The following TTC34 variants were observed in gnomAD, a reference collection of about 807,000 sequenced individuals.
The protein encoded by TTC34 is tetratricopeptide repeat domain 34, also known as tetratricopeptide repeat protein 34.
Under a neutral mutation model 40.7 loss-of-function variants are expected in TTC34, and 44 were observed. That is an observed-to-expected ratio of 1.08 (90% confidence interval 0.85 to 1.39). The LOEUF is 1.39. TTC34 is among the 40% of genes most tolerant of loss of function. The pLI is 0.00. For synonymous variants in TTC34, 422 were observed against 398.6 expected (o/e 1.06, Z -0.70); for missense variants, 884 against 838.0 (o/e 1.05, Z -0.68).
intron 6 of TTC34, among the ~76,000 whole-genome samples, chr1:2,778,100 T>G (rs1643360756): frequency 6.6e-6 from 1 of 152,190 alleles, no homozygotes; most frequent in Admixed American, 6.5e-5. Context: ...AGTGGGAAAC[T>G]TGGGGGAAAC....
intron 6 of TTC34, among the ~76,000 whole-genome samples, chr1:2,683,521 G>T (rs1640176579): frequency 2.0e-5 from 3 of 150,226 alleles, no homozygotes; most frequent in South Asian, 2.1e-4. Context: ...ACCACCAGGT[G>T]AGCATCTGAT....
At position 2,641,234 on chromosome 1, in the gene TTC34, C is replaced by T. The variant is rs1277674808; in HGVS notation, c.*134G>A. ...GTTGGGAAGGGGTGTGTGGGGAGGG[C>T]TGGGAAGGGGGTGTGGAGAGGGCAG... On this transcript the variant is annotated 3_prime_UTR_variant, in exon 9 of 9. Transcript: ENST00000401095. 4.6e-5 allele frequency: 41 copies of T among 892,702 alleles called. No homozygotes were observed. In the African/African-American group the frequency reaches 6.9e-4, roughly 15 times the overall value. The allele number at this position is 892,702 out of a possible 1,614,324, so 55.3% of individuals were successfully genotyped here.
chr1:2,695,098 G>GCAATA (rs1640801141), intron 6 of TTC34, among the ~76,000 whole-genome samples: 1 of 129,830 alleles, frequency 7.7e-6, no homozygotes. Context: ...CTGACAACCT[G>GCAATA]GAACAGCACC....
intron 8 of TTC34, among the ~76,000 whole-genome samples, chr1:2,642,883 A>C (rs1638936091): frequency 1.3e-5 from 2 of 152,200 alleles, no homozygotes; most frequent in Admixed American, 1.3e-4. Flanking sequence ...CGCAGGGCAC[A>C]GTGTGGCCTC....
At chr1:2,685,630 C>A (rs1640298739) in intron 6 of TTC34, among the ~76,000 whole-genome samples, 1 of 136,454 alleles carries the variant, frequency 7.3e-6, no homozygotes, top group Non-Finnish European at 1.6e-5. Flanking sequence ...CCTGGAGCAG[C>A]ACCCACACCC....
At chr1:2,683,499 A>T (rs1424218866) in intron 6 of TTC34, among the ~76,000 whole-genome samples, 1 of 43,448 alleles carries the variant, frequency 2.3e-5, no homozygotes, top group African/African-American at 8.9e-5. Flanking sequence ...GACAGCCTGG[A>T]ACGGCACCCA....
chr1:2,695,047 T>G (rs1277806842), intron 6 of TTC34, among the ~76,000 whole-genome samples: 1 of 146,886 alleles, frequency 6.8e-6, no homozygotes, highest in Non-Finnish European at 1.5e-5. Context: ...CAGGTGAGCA[T>G]CTGACACACT....
chr1:2,795,068 G>A (rs58130227), intron 2 of TTC34, among the ~76,000 whole-genome samples: 4,803 of 148,854 alleles, frequency 0.032, 105 homozygotes, highest in African/African-American at 0.066. Context: ...TGGGCAACGT[G>A]GTGAGACCCC....
intron 6 of TTC34, among the ~76,000 whole-genome samples, chr1:2,684,966 G>T (rs538254209): frequency 7.1e-6 from 1 of 140,452 alleles, no homozygotes; most frequent in Non-Finnish European, 1.5e-5. Context: ...ACCCCCAGAC[G>T]AGCATCTGAC....
intron 4 of TTC34, among the ~76,000 whole-genome samples, chr1:2,786,486 C>G (rs1391186265): frequency 6.6e-6 from 1 of 152,180 alleles, no homozygotes; most frequent in Non-Finnish European, 1.5e-5. Context: ...TGAGCCCGCT[C>G]TGGGCTGCAG....
intron 6 of TTC34, among the ~76,000 whole-genome samples, chr1:2,687,296 C>G (rs529981600): frequency 0.011 from 1,494 of 132,712 alleles, 175 homozygotes; most frequent in African/African-American, 0.048. Flanking sequence ...CACAGGTGAG[C>G]ATCTGACATC....
intron 6 of TTC34, among the ~76,000 whole-genome samples, chr1:2,684,949 C>G (rs1570809230): frequency 2.2e-5 from 3 of 137,456 alleles, no homozygotes; most frequent in Admixed American, 1.5e-4. Flanking sequence ...CCTGGAGCAC[C>G]ACCCACACCC....
rs188794158 is a variant in TTC34 at position 2,641,654 on chromosome 1, C to A, written c.2954G>T (p.Arg985Leu). 60 of 1,535,322 alleles carry A rather than the reference C, an allele frequency of 3.9e-5. No individual in the cohort carries two copies. In the African/African-American group the frequency reaches 7.5e-4, roughly 19 times the overall value. The change falls in exon 9 of 9, where the codon CGC becomes CTC. Residue 985 changes from arginine to leucine, a missense_variant. Coordinates refer to ENST00000401095, the Ensembl canonical transcript of TTC34. The stretch of plus-strand genomic sequence containing the variant: ...CTCATCCCCCAGGCTCAGCAGCAGG[C>A]GACCCTGACGGCAGAAGTCCTCTGC...
In TTC34 at chr1:2,775,591, C is replaced by A. The variant is rs1055075273; in HGVS notation, c.2226+8018G>T. On this transcript the variant is annotated intron_variant, in intron 6 of 8. Transcript: ENST00000401095. ...ATCCGATGGCATGGGACAGCACCCC[C>A]ACTCACAGGTGATGTGACTGCGTGG... 8 of 148,906 alleles carry A rather than the reference C, an allele frequency of 5.4e-5. 2 individuals are homozygous for A. Among genetic ancestry groups the A allele is most frequent in the African/African-American group, 2.1e-4 (8 of 38,460 alleles). The allele number at this position is 148,906 out of a possible 1,614,324, so 9.2% of individuals were successfully genotyped here. A position where few individuals can be genotyped will look rare whatever the true frequency, so the allele number is the denominator to read the frequency against.
chr1:2,687,307 G>A lies in TTC34; in HGVS notation c.2227-41744C>T, dbSNP rs532222092. ...CAACCACAGGTGAGCATCTGACATC[G>A]TGGAACAGCACCCCAAACCCACAGG... On this transcript the variant is annotated intron_variant, in intron 6 of 8. Coordinates refer to ENST00000401095, the Ensembl canonical transcript of TTC34. Among the ~76,000 whole-genome samples the A allele has an allele frequency of 3.2e-3, 97 of 29,974 alleles. 7 individuals are homozygous for A. The highest frequency in any genetic ancestry group is 0.018 in the African/African-American group (85 of 4,854). The allele number at this position is 29,974 out of a possible 152,430, so 19.7% of individuals were successfully genotyped here.
At chr1:2,692,682 G>A in intron 6 of TTC34, among the ~76,000 whole-genome samples, 1 of 124,206 alleles carries the variant, frequency 8.1e-6, no homozygotes, top group Non-Finnish European at 1.6e-5. Context: ...GTGAGCTTCT[G>A]ACAGCCTGGA....
At chr1:2,655,269 GAC>G (rs528245388) in intron 6 of TTC34, among the ~76,000 whole-genome samples, 10 of 76,088 alleles carry the variant, frequency 1.3e-4, no homozygotes, top group African/African-American at 4.1e-4. Context: ...GTGAGCATCT[GAC>G]AGCCTGCAAC....
intron 6 of TTC34, among the ~76,000 whole-genome samples, chr1:2,693,080 C>G: frequency 1.1e-5 from 1 of 87,670 alleles, no homozygotes; most frequent in East Asian, 2.7e-4. Flanking sequence ...AGGCGAGCAT[C>G]CGACAGCCTG....
chr1:2,773,053 C>T (rs1202097624), intron 6 of TTC34, among the ~76,000 whole-genome samples: 2 of 151,376 alleles, frequency 1.3e-5, no homozygotes, highest in South Asian at 2.1e-4. Flanking sequence ...GAGCAGCACG[C>T]ACACCCCCAG....
Sources: allele counts gnomAD v4.1 joint callset (sites outside exome capture counted in the v4.1 genomes callset), GRCh38; gene constraint gnomAD v4.1.1; transcripts MANE v1.5; gene names NCBI Gene and HGNC (gene_info 2026-07-23, HGNC 2026-07-21).